PRKCE: variants seen among roughly 807,000 people sequenced by gnomAD.
PRKCE encodes the protein protein kinase C epsilon, also known as protein kinase C epsilon type.
PRKCE carries 16 observed loss-of-function variants against 85.4 expected under a neutral mutation model. The ratio of observed to expected loss-of-function variants is 0.19; its 90% CI spans 0.13 to 0.28. PRKCE has a LOEUF of 0.28. Ranked by LOEUF, PRKCE falls within the 10% of genes least tolerant of loss-of-function variation. PRKCE has a pLI of 1.00. For missense variants in PRKCE, 573 were observed against 975.2 expected (o/e 0.59, Z 5.49); for synonymous variants, 388 against 371.5 (o/e 1.04, Z -0.51).
chr2:45,964,671 G>C (rs965385072), intron 2 of PRKCE, among the ~76,000 whole-genome samples: 3 of 152,252 alleles, frequency 2.0e-5, no homozygotes, highest in Admixed American at 6.5e-5. Context: ...AGGCTAGCAG[G>C]CTTCCTGCTT....
intron 1 of PRKCE, among the ~76,000 whole-genome samples, chr2:45,780,238 G>T (rs1039737145): frequency 4.6e-5 from 7 of 152,184 alleles, no homozygotes; most frequent in Non-Finnish European, 8.8e-5. Flanking sequence ...CGTTGCATTT[G>T]AGTGCTGTTT....
intron 10 of PRKCE, among the ~76,000 whole-genome samples, chr2:46,055,386 G>T (rs576241003): frequency 6.6e-6 from 1 of 152,204 alleles, no homozygotes. Flanking sequence ...GCACCGAAGC[G>T]GCTGGCTAGT....
intron 2 of PRKCE, among the ~76,000 whole-genome samples, chr2:45,843,484 T>C (rs2105490970): frequency 6.6e-6 from 1 of 152,330 alleles, no homozygotes; most frequent in Admixed American, 6.5e-5. Context: ...TTGATAGAAG[T>C]GGGACTTCTT....
intron 2 of PRKCE, among the ~76,000 whole-genome samples, chr2:45,870,647 G>C (rs890862748): frequency 6.6e-6 from 1 of 152,194 alleles, no homozygotes. Context: ...GTAGTCAAGG[G>C]GGAAGAGCCT....
At chr2:45,830,090 A>T (rs1467652073) in intron 1 of PRKCE, among the ~76,000 whole-genome samples, 1 of 127,702 alleles carries the variant, frequency 7.8e-6, no homozygotes, top group Admixed American at 8.1e-5. Context: ...AAAAAAAAAA[A>T]AAAAAAATTG....
At chr2:46,008,214 A>G (rs549392483) in intron 9 of PRKCE, among the ~76,000 whole-genome samples, 2 of 152,292 alleles carry the variant, frequency 1.3e-5, no homozygotes, top group East Asian at 1.9e-4. Context: ...TAATCATCTC[A>G]TGCCTCGGAT....
intron 10 of PRKCE, among the ~76,000 whole-genome samples, chr2:46,037,592 G>A (rs1274805107): frequency 6.6e-6 from 1 of 152,152 alleles, no homozygotes; most frequent in Admixed American, 6.5e-5. Context: ...TCAAAAGAGG[G>A]AGAAACATAC....
intron 6 of PRKCE, among the ~76,000 whole-genome samples, chr2:45,993,779 G>T (rs568241746): frequency 6.6e-6 from 1 of 152,284 alleles, no homozygotes; most frequent in Non-Finnish European, 1.5e-5. Context: ...GCAGGGTAGT[G>T]GGGACAGAAT....
At chr2:45,781,746 A>G (rs534653613) in intron 1 of PRKCE, among the ~76,000 whole-genome samples, 169 of 152,184 alleles carry the variant, frequency 1.1e-3, no homozygotes, top group African/African-American at 3.8e-3. Context: ...AGGCTTTCAG[A>G]AATATTCAAA....
rs1680311594 is a variant in PRKCE, at chr2:46,184,579, A to G, written c.2068-156A>G. On this transcript the variant is annotated intron_variant, in intron 14 of 14. Coordinates refer to ENST00000306156, the MANE Select transcript of PRKCE (RefSeq NM_005400.3). This position sits in a 1 kb window ranked among gnomAD's most constrained non-coding sequence, Gnocchi z 5.0. Reference sequence around the variant, plus strand: ...TCACCTCCGGGTCCTGGGGCCATCCATCGTTACCTCATCGGGACAGCCCCG... The same window carrying G: ...TCACCTCCGGGTCCTGGGGCCATCCGTCGTTACCTCATCGGGACAGCCCCG... Among the ~76,000 whole-genome samples, 1 of 151,998 alleles carries G rather than the reference A, an allele frequency of 6.6e-6. No individual in the cohort carries two copies. Among genetic ancestry groups the G allele is most frequent in the Non-Finnish European group, 1.5e-5 (1 of 67,980 alleles).
intron 1 of PRKCE, among the ~76,000 whole-genome samples, chr2:45,709,745 A>C (rs773537743): frequency 1.3e-5 from 2 of 151,908 alleles, no homozygotes; most frequent in Non-Finnish European, 2.9e-5. Context: ...CCCCATCTCT[A>C]TTCACCTGGA....
chr2:45,814,127 G>T (rs1014986752), intron 1 of PRKCE, among the ~76,000 whole-genome samples: 4 of 152,180 alleles, frequency 2.6e-5, no homozygotes, highest in African/African-American at 7.2e-5. Flanking sequence ...GAATAGTGAA[G>T]AGGGTGACTA....
chr2:45,927,093 T>C (rs929326610), intron 2 of PRKCE, among the ~76,000 whole-genome samples: 2 of 150,444 alleles, frequency 1.3e-5, no homozygotes, highest in Admixed American at 6.6e-5. Flanking sequence ...TGAGCGTGCA[T>C]GGGACAAGGA....
At position 46,081,714 on chromosome 2, in the gene PRKCE, G is replaced by A. The variant is rs575372788; in HGVS notation, c.1438-4494G>A. Among the ~76,000 whole-genome samples, 184 of 152,330 alleles carry A rather than the reference G, an allele frequency of 1.2e-3. 1 individual carries two copies. Among genetic ancestry groups the A allele is most frequent in the African/African-American group, 4.3e-3 (179 of 41,574 alleles). Reference sequence around the variant, plus strand: ...AGAGGGAACAAGCGACAGCTGGAAAGGAGAAGACTGAGAAGATCACACAGA... The same window carrying A: ...AGAGGGAACAAGCGACAGCTGGAAAAGAGAAGACTGAGAAGATCACACAGA... On this transcript the variant is annotated intron_variant, in intron 10 of 14. Transcript: ENST00000306156.
At chr2:45,747,834 G>A (rs1446864893) in intron 1 of PRKCE, among the ~76,000 whole-genome samples, 1 of 151,860 alleles carries the variant, frequency 6.6e-6, no homozygotes, top group African/African-American at 2.4e-5. Context: ...ATGCACAAGG[G>A]TTCTAATTTC....
intron 1 of PRKCE, among the ~76,000 whole-genome samples, chr2:45,796,439 G>C (rs1687441265): frequency 2.6e-5 from 4 of 152,212 alleles, no homozygotes; most frequent in Admixed American, 2.6e-4. Context: ...AATGCTTGGT[G>C]TATGGGTGCC....
At chr2:46,097,063 T>A (rs1210527297) in intron 11 of PRKCE, among the ~76,000 whole-genome samples, 1 of 152,052 alleles carries the variant, frequency 6.6e-6, no homozygotes, top group Non-Finnish European at 1.5e-5. Context: ...GATATGTGAG[T>A]CTGTGTCTCT....
intron 6 of PRKCE, among the ~76,000 whole-genome samples, chr2:46,000,623 A>G (rs1214831286): frequency 6.6e-6 from 1 of 151,626 alleles, no homozygotes; most frequent in Admixed American, 6.6e-5. Flanking sequence ...CATATTTACT[A>G]TGAGAATCTA....
chr2:45,708,644 C>G (rs1303105450), intron 1 of PRKCE, among the ~76,000 whole-genome samples: 1 of 152,212 alleles, frequency 6.6e-6, no homozygotes, highest in East Asian at 1.9e-4. Flanking sequence ...GTTAATTGCC[C>G]AGCCTCGGGT....
Sources: allele counts gnomAD v4.1 joint callset (sites outside exome capture counted in the v4.1 genomes callset), GRCh38; gene constraint gnomAD v4.1.1; non-coding constraint Gnocchi (gnomAD v3.1); transcripts MANE v1.5; gene names NCBI Gene and HGNC (gene_info 2026-07-23, HGNC 2026-07-21).